The following SLC13A2 variants were observed in gnomAD, a reference collection of about 807,000 sequenced individuals.
SLC13A2 encodes the protein Na(+)-coupled citrate transporter.
A neutral mutation model predicts 58.5 loss-of-function variants in SLC13A2; 40 were observed. That is an observed-to-expected ratio of 0.68 (90% CI 0.53 to 0.89). The LOEUF (loss-of-function observed/expected upper bound fraction) is 0.89, where lower values mean the gene tolerates loss of function less well. Among genes scored for constraint, SLC13A2 ranks in the 40% least tolerant of loss-of-function variants. SLC13A2 has a pLI of 0.00. For missense variants in SLC13A2, 694 were observed against 772.6 expected (o/e 0.90, Z 1.21); for synonymous variants, 341 against 331.6 (o/e 1.03, Z -0.31).
chr17:28,490,390 C>T (rs1486711258), intron 2 of SLC13A2, 64 bp from the exon 3 acceptor site: 14 of 1,613,938 alleles, frequency 8.7e-6, no homozygotes, highest in Non-Finnish European at 1.1e-5. Flanking sequence ...CATCCCATAA[C>T]CTCGGGGGCA....
intron 2 of SLC13A2, chr17:28,490,234 A>G: frequency 7.2e-7 from 1 of 1,394,368 alleles, no homozygotes; most frequent in Non-Finnish European, 9.6e-7. Flanking sequence ...TGATTGTGCC[A>G]CTGCATTCCA....
In SLC13A2 at chr17:28,493,745, T is replaced by C; in HGVS notation, c.1053T>C (p.Phe351=). Residue 351 remains phenylalanine (F), a synonymous_variant, in exon 7 of 12, where the codon TTT becomes TTC. Coordinates refer to ENST00000314669, the MANE Select transcript of SLC13A2 (RefSeq NM_003984.4). The stretch of plus-strand genomic sequence containing the variant: ...GGTTCACCCGGGAGCCGGGCTTTTT[T>C]CTTGGCTGGGGCAATTTGGCTTTTC... ...LLWFTREPGF[F]LGWGNLAFPN... 2 of 1,614,224 alleles carry C rather than the reference T, an allele frequency of 1.2e-6. No individual in the cohort carries two copies. The highest frequency in any genetic ancestry group is 1.1e-5 in the South Asian group (1 of 91,076).
At chr17:28,490,379 G>A in intron 2 of SLC13A2, 75 bp from the exon 3 acceptor site, 2 of 1,614,030 alleles carry the variant, frequency 1.2e-6, no homozygotes, top group Non-Finnish European at 1.7e-6. Context: ...GTCAGTGACT[G>A]CATCCCATAA....
intron 1 of SLC13A2, among the ~76,000 whole-genome samples, chr17:28,484,178 C>G (rs1474549836): frequency 6.6e-6 from 1 of 152,218 alleles, no homozygotes; most frequent in African/African-American, 2.4e-5. Context: ...AAGATTGATA[C>G]TCATCTTTTA....
At chr17:28,493,088 A>C (rs1466308391) in intron 6 of SLC13A2, among the ~76,000 whole-genome samples, 1 of 152,216 alleles carries the variant, frequency 6.6e-6, no homozygotes, top group African/African-American at 2.4e-5. Context: ...CCCAAGTGGA[A>C]AGTTAAATGT....
chr17:28,492,081 A>C (rs1320789954), intron 6 of SLC13A2, among the ~76,000 whole-genome samples: 2 of 152,254 alleles, frequency 1.3e-5, no homozygotes, highest in East Asian at 3.9e-4. Flanking sequence ...GTTCGCAACT[A>C]GATTTGTCAG....
At chr17:28,474,566 G>A (rs1371604607) in intron 1 of SLC13A2, among the ~76,000 whole-genome samples, 2 of 152,192 alleles carry the variant, frequency 1.3e-5, no homozygotes, top group African/African-American at 4.8e-5. Context: ...GACAAATGGG[G>A]AAGGTGAGGT....
At chr17:28,493,067 G>A (rs1335365088) in intron 6 of SLC13A2, among the ~76,000 whole-genome samples, 2 of 152,210 alleles carry the variant, frequency 1.3e-5, no homozygotes, top group Non-Finnish European at 2.9e-5. Flanking sequence ...CAGCAGGGAG[G>A]TTGAGATTTA....
intron 1 of SLC13A2, among the ~76,000 whole-genome samples, chr17:28,480,018 G>T (rs912815568): frequency 6.6e-6 from 1 of 152,188 alleles, no homozygotes; most frequent in Non-Finnish European, 1.5e-5. Flanking sequence ...GCTGGGCGTG[G>T]TGGCACATGC....
In SLC13A2 at chr17:28,476,245, G is replaced by A. The variant is rs537237365; in HGVS notation, c.102+2431G>A. Among the ~76,000 whole-genome samples, 5 of 152,098 alleles carry A rather than the reference G, an allele frequency of 3.3e-5. No individual in the cohort carries two copies. In the East Asian group the frequency reaches 7.7e-4, roughly 23 times the overall value. ...CCGCCCTCGGATCCACTGTCTCCCC[G>A]GTCATTTCCCATGTGTCCCACTCTG... On this transcript the variant is annotated intron_variant, in intron 1 of 11. Transcript: ENST00000314669.
At chr17:28,489,693 G>T (rs1286780307) in intron 2 of SLC13A2, among the ~76,000 whole-genome samples, 2 of 152,206 alleles carry the variant, frequency 1.3e-5, no homozygotes, top group Non-Finnish European at 2.9e-5. Flanking sequence ...CTGGAGGGCT[G>T]GTTAAAACAC....
chr17:28,484,380 G>T (rs2068840407), intron 1 of SLC13A2, among the ~76,000 whole-genome samples: 1 of 152,190 alleles, frequency 6.6e-6, no homozygotes, highest in South Asian at 2.1e-4. Flanking sequence ...GAGGTCCAGA[G>T]AGAGGAAATC....
intron 1 of SLC13A2, among the ~76,000 whole-genome samples, chr17:28,481,944 C>T (rs950681352): frequency 1.3e-5 from 2 of 151,782 alleles, no homozygotes; most frequent in Admixed American, 1.3e-4. Flanking sequence ...CCACTGGACC[C>T]AGCACCTTTT....
Position 28,473,655 on chromosome 17 carries a change from CCTT to C in SLC13A2, c.-55_-53del. ...CTGCCTGCTTGGCTGCATCTTTGGT[CCTT>C]CTGTTACCCAGCTCCTGGAGGCAGT... On this transcript the variant is annotated 5_prime_UTR_variant, in exon 1 of 12. Transcript: ENST00000314669. 7.5e-7 allele frequency: 1 copy of C among 1,337,568 alleles called. No homozygotes were observed. Among genetic ancestry groups the C allele is most frequent in the Non-Finnish European group, 1.1e-6 (1 of 938,950 alleles). The allele number at this position is 1,337,568 out of a possible 1,614,324, so 82.9% of individuals were successfully genotyped here.
intron 9 of SLC13A2, among the ~76,000 whole-genome samples, chr17:28,495,305 G>A (rs2069117416): frequency 6.6e-6 from 1 of 152,134 alleles, no homozygotes; most frequent in Non-Finnish European, 1.5e-5. Context: ...TGGACTGGAA[G>A]GGGCAGGAAG....
At chr17:28,477,186 G>GTTTTTTTTTTT (rs1251199584) in intron 1 of SLC13A2, among the ~76,000 whole-genome samples, 1 of 119,430 alleles carries the variant, frequency 8.4e-6, no homozygotes. Context: ...AAACACCCAA[G>GTTTTTTTTTTT]TTTTTTGTTT....
chr17:28,486,623 A>C (rs1489838882), intron 1 of SLC13A2, among the ~76,000 whole-genome samples: 1 of 152,026 alleles, frequency 6.6e-6, no homozygotes, highest in Non-Finnish European at 1.5e-5. Context: ...AAAGGGTTTG[A>C]GACTGAGGAG....
Position 28,491,533 on chromosome 17 carries a change from G to C in SLC13A2, c.671G>C (p.Cys224Ser). 6.2e-7 allele frequency: 1 copy of C among 1,613,794 alleles called. No individual in the cohort carries two copies. The highest frequency in any genetic ancestry group is 8.5e-7 in the Non-Finnish European group (1 of 1,180,040). The change falls in exon 5 of 12, where the codon TGC becomes TCC. Residue 224 changes from cysteine to serine, a missense_variant. By Grantham distance (112) the Cys-to-Ser change is moderately radical. Transcript: ENST00000314669. Reference protein sequence around the residue: ...HLHLTQCMSLCVCYSASIGGI... With the variant: ...HLHLTQCMSLSVCYSASIGGI... ...CACCTCACCCAGTGCATGAGCCTGT[G>C]CGTGTGCTACTCCGCCAGCATCGGG...
At chr17:28,476,555 C>A (rs1312606551) in intron 1 of SLC13A2, among the ~76,000 whole-genome samples, 2 of 152,080 alleles carry the variant, frequency 1.3e-5, no homozygotes, top group Non-Finnish European at 2.9e-5. Context: ...CACTCTCCCC[C>A]ACCCTCACCA....
Sources: gnomAD v4.1 joint callset for allele counts (sites outside exome capture counted in the v4.1 genomes callset) on GRCh38, gnomAD v4.1.1 for gene constraint, MANE v1.5 for transcripts, NCBI Gene and HGNC (gene_info 2026-07-23, HGNC 2026-07-21) for gene names.